Variants in ARHGAP44 observed in about 807,000 individuals in gnomAD.
ARHGAP44 encodes rho GTPase-activating protein 44.
ARHGAP44 carries 43 observed loss-of-function variants against 106.8 expected under a neutral mutation model. That is an observed-to-expected ratio of 0.40 (90% CI 0.32 to 0.52). The LOEUF (loss-of-function observed/expected upper bound fraction) is 0.52. ARHGAP44 is among the 20% of genes least tolerant of loss of function. The pLI, the probability that ARHGAP44 is intolerant of heterozygous loss-of-function variation, is 0.48. For synonymous variants in ARHGAP44, 439 were observed against 410.3 expected (o/e 1.07, Z -0.85); for missense variants, 866 against 1,050.5 (o/e 0.82, Z 2.43).
At chr17:12,821,626 C>T (rs1431859697) in intron 1 of ARHGAP44, among the ~76,000 whole-genome samples, 1 of 152,152 alleles carries the variant, frequency 6.6e-6, no homozygotes. Flanking sequence ...GAGCATTAAT[C>T]TCAAACTTTG....
chr17:12,873,926 T>C (rs147570943), intron 1 of ARHGAP44, among the ~76,000 whole-genome samples: 1 of 33,980 alleles, frequency 2.9e-5, no homozygotes, highest in East Asian at 2.0e-3. Context: ...AATAAATAAA[T>C]AAACAAATAA....
At chr17:12,805,918 C>T (rs906558951) in intron 1 of ARHGAP44, among the ~76,000 whole-genome samples, 1 of 152,146 alleles carries the variant, frequency 6.6e-6, no homozygotes, top group Admixed American at 6.5e-5. Flanking sequence ...GGAACTGAGC[C>T]TTTTCACCTC....
chr17:12,836,352 A>G (rs1211904627), intron 1 of ARHGAP44, among the ~76,000 whole-genome samples: 1 of 152,162 alleles, frequency 6.6e-6, no homozygotes, highest in South Asian at 2.1e-4. Context: ...AATTACAGAG[A>G]TAAAGAGAGA....
chr17:12,984,614 T>C lies in ARHGAP44; in HGVS notation c.2023T>C (p.Ser675Pro). The C allele has an allele frequency of 1.2e-6, 2 of 1,610,464 alleles. No homozygotes were observed. Among genetic ancestry groups the C allele is most frequent in the South Asian group, 2.2e-5 (2 of 90,762 alleles). ...AMADQSAGQPSPVSLSPTPPS... is the reference protein window; with the variant it reads ...AMADQSAGQPPPVSLSPTPPS... ...GGCAGACCAGTCCGCTGGCCAGCCG[T>C]CCCCAGTCAGCCTGTCCCCCACCCC... is the stretch of plus-strand genomic sequence containing the variant. The change falls in exon 20 of 21, where the codon TCC becomes CCC. Residue 675 changes from serine to proline, a missense_variant. Physicochemically the swap from Ser to Pro is moderately conservative, Grantham distance 74. This residue lies in a region of ARHGAP44 where 418 missense variants were observed against 403.6 expected (regional missense o/e 1.04). Transcript: ENST00000379672.
intron 1 of ARHGAP44, among the ~76,000 whole-genome samples, chr17:12,861,097 CT>C (rs2150866317): frequency 6.6e-6 from 1 of 152,248 alleles, no homozygotes; most frequent in African/African-American, 2.4e-5. Context: ...CTCAAATGAT[CT>C]GCCCACCTCG....
At chr17:12,803,954 C>T (rs1020590345) in intron 1 of ARHGAP44, among the ~76,000 whole-genome samples, 3 of 152,094 alleles carry the variant, frequency 2.0e-5, no homozygotes, top group South Asian at 2.1e-4. Context: ...GGATTGCTTT[C>T]GGTTATAATA....
chr17:12,890,697 A>G (rs1448851306), intron 1 of ARHGAP44, among the ~76,000 whole-genome samples: 2 of 152,190 alleles, frequency 1.3e-5, no homozygotes, highest in Non-Finnish European at 2.9e-5. Flanking sequence ...CAAAGGGGAC[A>G]CTTGGCACAT....
chr17:12,913,234 G>T (rs1211614613), intron 4 of ARHGAP44, among the ~76,000 whole-genome samples: 1 of 152,090 alleles, frequency 6.6e-6, no homozygotes, highest in African/African-American at 2.4e-5. Context: ...TTAGGATGAG[G>T]TTTAATTTTT....
At chr17:12,938,974 C>A (rs1001377541) in intron 7 of ARHGAP44, among the ~76,000 whole-genome samples, 1 of 152,168 alleles carries the variant, frequency 6.6e-6, no homozygotes, top group Non-Finnish European at 1.5e-5. Flanking sequence ...AACGTTTAGT[C>A]CTTCAGGGCC....
At chr17:12,986,272 C>CCCA (rs2039953917) in intron 20 of ARHGAP44, 1 of 152,136 alleles carries the variant, frequency 6.6e-6, no homozygotes, top group Non-Finnish European at 1.5e-5. Flanking sequence ...GGTCTTGGTG[C>CCCA]TGAGGTGTCT....
At chr17:12,796,457 A>T (rs78564283) in intron 1 of ARHGAP44, among the ~76,000 whole-genome samples, 13,784 of 152,248 alleles carry the variant, frequency 0.091, 660 homozygotes, top group Middle Eastern at 0.15. Context: ...ACACACATAC[A>T]TACACACTAC....
At chr17:12,828,618 T>C (rs1202565897) in intron 1 of ARHGAP44, among the ~76,000 whole-genome samples, 3 of 149,472 alleles carry the variant, frequency 2.0e-5, no homozygotes, top group Non-Finnish European at 4.4e-5. Context: ...ATATTTTCTT[T>C]TGGATTTTTT....
intron 19 of ARHGAP44, among the ~76,000 whole-genome samples, chr17:12,982,422 G>A (rs2039856991): frequency 6.6e-6 from 1 of 151,732 alleles, no homozygotes. Context: ...CAGACATGGT[G>A]ATGCATCCTC....
intron 5 of ARHGAP44, among the ~76,000 whole-genome samples, chr17:12,919,059 T>G (rs898570619): frequency 6.6e-6 from 1 of 152,184 alleles, no homozygotes; most frequent in Non-Finnish European, 1.5e-5. Context: ...GGAGACCTGA[T>G]GTGTAGCACT....
chr17:12,881,361 C>T (rs2150899499), intron 1 of ARHGAP44, among the ~76,000 whole-genome samples: 1 of 151,898 alleles, frequency 6.6e-6, no homozygotes, highest in East Asian at 1.9e-4. Flanking sequence ...AGTAGAAACC[C>T]TATTTCTTTA....
At chr17:12,922,471 A>G (rs1266676373) in intron 6 of ARHGAP44, among the ~76,000 whole-genome samples, 1 of 152,092 alleles carries the variant, frequency 6.6e-6, no homozygotes, top group African/African-American at 2.4e-5. Flanking sequence ...AGATTGCCCC[A>G]TTGTTTTCAT....
chr17:12,964,881 C>G (rs1338214432), intron 16 of ARHGAP44, among the ~76,000 whole-genome samples: 1 of 152,196 alleles, frequency 6.6e-6, no homozygotes, highest in Non-Finnish European at 1.5e-5. Context: ...CTGCCATCTT[C>G]CCCTTCTCTC....
chr17:12,812,579 C>G (rs2034471698), intron 1 of ARHGAP44, among the ~76,000 whole-genome samples: 2 of 152,176 alleles, frequency 1.3e-5, no homozygotes, highest in South Asian at 4.1e-4. Context: ...CCAAGACACG[C>G]TGACAGGGGA....
At chr17:12,899,438 T>A (rs1164116294) in intron 3 of ARHGAP44, among the ~76,000 whole-genome samples, 3 of 152,138 alleles carry the variant, frequency 2.0e-5, no homozygotes, top group East Asian at 3.9e-4. Context: ...TTTTTTTCAG[T>A]TTTTCTCTGA....
Sources: allele counts gnomAD v4.1 joint callset (sites outside exome capture counted in the v4.1 genomes callset), GRCh38; gene constraint gnomAD v4.1.1; regional missense constraint gnomAD v4.1.1; transcripts MANE v1.5; gene names NCBI Gene and HGNC (gene_info 2026-07-23, HGNC 2026-07-21).